The following HACD2 variants were observed in gnomAD, a reference collection of about 807,000 sequenced individuals.
The protein encoded by HACD2 is 3-hydroxyacyl-CoA dehydratase 2, also known as very-long-chain (3R)-3-hydroxyacyl-CoA dehydratase 2.
HACD2 carries 15 observed loss-of-function variants against 31.0 expected under a neutral mutation model. The ratio of observed to expected loss-of-function variants is 0.48; its 90% CI spans 0.32 to 0.75. HACD2 has a LOEUF of 0.75. Ranked by LOEUF, HACD2 falls within the 30% of genes least tolerant of loss-of-function variation. The pLI is 0.03. For missense variants in HACD2, 283 were observed against 313.0 expected (o/e 0.90, Z 0.72); for synonymous variants, 115 against 122.2 (o/e 0.94, Z 0.39).
intron 2 of HACD2, among the ~76,000 whole-genome samples, chr3:123,581,743 G>T (rs1352074104): frequency 6.6e-6 from 1 of 152,130 alleles, no homozygotes; most frequent in Admixed American, 6.5e-5. Context: ...AAGAGAGAGG[G>T]CTGGATATAC....
At position 123,525,190 on chromosome 3, in the gene HACD2, A is replaced by G. The variant is rs2056265327; in HGVS notation, c.381+3196T>C. 2.0e-5 allele frequency among the ~76,000 whole-genome samples: 3 copies of G among 152,262 alleles called. No individual in the cohort carries two copies. The South Asian group carries it at 6.2e-4, about 32-fold the overall frequency. On this transcript the variant is annotated intron_variant, in intron 4 of 6. Transcript: ENST00000383657. ...GGACACAGCTGGCTTGTTTCGCCAG[A>G]GCTTTTGTTTGTTCATTTATATGGT...
chr3:123,515,560 G>C (rs955755446), intron 4 of HACD2, among the ~76,000 whole-genome samples: 1 of 152,056 alleles, frequency 6.6e-6, no homozygotes, highest in Non-Finnish European at 1.5e-5. Context: ...TCAGCTGAGG[G>C]CTTGGGCTCG....
intron 3 of HACD2, among the ~76,000 whole-genome samples, chr3:123,564,910 A>T (rs897396273): frequency 2.0e-5 from 3 of 152,114 alleles, no homozygotes; most frequent in African/African-American, 7.2e-5. Flanking sequence ...GCTTAATGAA[A>T]CAGAATCTGC....
intron 5 of HACD2, among the ~76,000 whole-genome samples, chr3:123,501,789 T>C (rs963273441): frequency 2.0e-5 from 3 of 152,146 alleles, no homozygotes; most frequent in Non-Finnish European, 4.4e-5. Context: ...AGAAAAATAA[T>C]AAAATAACAA....
chr3:123,554,444 T>A (rs2056653335), intron 3 of HACD2, among the ~76,000 whole-genome samples: 1 of 152,014 alleles, frequency 6.6e-6, no homozygotes, highest in African/African-American at 2.4e-5. Context: ...AAGGCTAAAG[T>A]GTGCTATGAT....
chr3:123,535,075 A>G (rs368536625), intron 3 of HACD2, among the ~76,000 whole-genome samples: 2 of 152,348 alleles, frequency 1.3e-5, no homozygotes. Context: ...CAGGGTTCAT[A>G]AAGTCTACAG....
At chr3:123,575,194 G>C (rs1424720805) in intron 2 of HACD2, among the ~76,000 whole-genome samples, 3 of 151,272 alleles carry the variant, frequency 2.0e-5, no homozygotes, top group Non-Finnish European at 2.9e-5. Context: ...ACTTCAGCCT[G>C]AAACTCCTGG....
rs572900299 is a variant in HACD2, at chr3:123,515,948, C to A, written c.381+12438G>T. ...AATTTTTGTATTTTTTTGGTGGAGA[C>A]GGGGTTTCACCATGTTGCCCAGGCT... On this transcript the variant is annotated intron_variant, in intron 4 of 6. Transcript: ENST00000383657. 3.3e-5 allele frequency among the ~76,000 whole-genome samples: 5 copies of A among 151,966 alleles called. No individual in the cohort carries two copies. The South Asian group carries it at 8.3e-4, about 25-fold the overall frequency.
At chr3:123,503,615 A>G (rs1400777924) in intron 4 of HACD2, among the ~76,000 whole-genome samples, 5 of 151,494 alleles carry the variant, frequency 3.3e-5, no homozygotes, top group East Asian at 3.9e-4. Flanking sequence ...CACCTCCCCC[A>G]GTCCCTTCCC....
intron 1 of HACD2, among the ~76,000 whole-genome samples, chr3:123,583,352 C>G (rs2056986246): frequency 6.6e-6 from 1 of 152,100 alleles, no homozygotes; most frequent in Non-Finnish European, 1.5e-5. Flanking sequence ...CTCTCCAGTC[C>G]AATGCCCTCA....
intron 2 of HACD2, among the ~76,000 whole-genome samples, chr3:123,570,464 G>GA (rs1176803533): frequency 6.6e-6 from 1 of 151,870 alleles, no homozygotes; most frequent in Non-Finnish European, 1.5e-5. Context: ...CTAATACTTG[G>GA]AAAAAAGAGT....
At chr3:123,538,587 T>C (rs2056453167) in intron 3 of HACD2, among the ~76,000 whole-genome samples, 1 of 152,218 alleles carries the variant, frequency 6.6e-6, no homozygotes, top group African/African-American at 2.4e-5. Context: ...AACTAGGGCA[T>C]GCATACCCAA....
At chr3:123,577,669 T>A in intron 2 of HACD2, among the ~76,000 whole-genome samples, 1 of 152,044 alleles carries the variant, frequency 6.6e-6, no homozygotes, top group South Asian at 2.1e-4. Context: ...TACAGTCTTA[T>A]GTTAACCAAA....
chr3:123,570,114 A>G (rs1384935130), intron 2 of HACD2, among the ~76,000 whole-genome samples: 1 of 150,860 alleles, frequency 6.6e-6, no homozygotes, highest in Non-Finnish European at 1.5e-5. Context: ...TTTGCATGAC[A>G]GAGCAGTAGG....
intron 6 of HACD2, among the ~76,000 whole-genome samples, chr3:123,497,974 C>G (rs915228077): frequency 1.1e-4 from 16 of 152,256 alleles, no homozygotes. Flanking sequence ...ACAGCAACCT[C>G]TCCTAATTCT....
At chr3:123,528,318 A>G in intron 4 of HACD2, 68 bp downstream of exon 4, 1 of 941,236 alleles carries the variant, frequency 1.1e-6, no homozygotes, top group Non-Finnish European at 1.8e-6. Flanking sequence ...CATAACAAAC[A>G]TGTGAATCAG....
chr3:123,562,265 G>A (rs2056737947), intron 3 of HACD2, among the ~76,000 whole-genome samples: 3 of 152,120 alleles, frequency 2.0e-5, no homozygotes, highest in African/African-American at 2.4e-5. Flanking sequence ...AAAAGTTGAG[G>A]TGTGGGAACT....
intron 4 of HACD2, among the ~76,000 whole-genome samples, chr3:123,514,698 C>G (rs1263570909): frequency 6.6e-6 from 1 of 152,022 alleles, no homozygotes; most frequent in Non-Finnish European, 1.5e-5. Flanking sequence ...GTAAACAAGC[C>G]GAAGACAAGG....
At chr3:123,555,451 C>T (rs571684073) in intron 3 of HACD2, among the ~76,000 whole-genome samples, 7 of 151,988 alleles carry the variant, frequency 4.6e-5, no homozygotes, top group African/African-American at 7.2e-5. Flanking sequence ...TCTGTACCAG[C>T]AATGAACCAC....
Sources: gnomAD v4.1 joint callset for allele counts (sites outside exome capture counted in the v4.1 genomes callset) on GRCh38, gnomAD v4.1.1 for gene constraint, MANE v1.5 for transcripts, NCBI Gene and HGNC (gene_info 2026-07-23, HGNC 2026-07-21) for gene names.